The following SPAG17 variants were observed in gnomAD, a reference collection of about 807,000 sequenced individuals.
SPAG17 encodes the protein sperm-associated antigen 17.
SPAG17 carries 169 observed loss-of-function variants against 273.6 expected under a neutral mutation model. The observed-to-expected ratio is 0.62, with a 90% CI of 0.55 to 0.70. The LOEUF (loss-of-function observed/expected upper bound fraction) is 0.70, where lower values mean the gene tolerates loss of function less well. Among genes scored for constraint, SPAG17 ranks in the 30% least tolerant of loss-of-function variants. The pLI is 0.00. For synonymous variants in SPAG17, 825 were observed against 873.2 expected (o/e 0.94, Z 0.97); for missense variants, 2,557 against 2,627.8 (o/e 0.97, Z 0.59).
chr1:118,036,051 G>T (rs1429920988), intron 24 of SPAG17, among the ~76,000 whole-genome samples: 1 of 152,068 alleles, frequency 6.6e-6, no homozygotes. Context: ...AGCCAGGTGT[G>T]GTGGCATGCA....
At chr1:117,992,398 T>C (rs1194538739) in intron 36 of SPAG17, 68 bp downstream of exon 36, 2 of 1,452,052 alleles carry the variant, frequency 1.4e-6, no homozygotes, top group Non-Finnish European at 1.8e-6. Context: ...TCAGGTTTCT[T>C]AGGAAACCAA....
In SPAG17 at chr1:118,073,985, C is replaced by T. The variant is rs779962769; in HGVS notation, c.2272-18G>A. ...TTGGGTTTCTAAAATATCATAGGAA[C>T]ACAATTTCAGCTTTAATTTGTTTAA... On this transcript the variant is annotated intron_variant, in intron 16 of 48. Transcript: ENST00000336338. 3 of 1,516,548 alleles carry T rather than the reference C, an allele frequency of 2.0e-6. No homozygotes were observed. The highest frequency in any genetic ancestry group is 2.6e-6 in the Non-Finnish European group (3 of 1,134,568). 93.9% of individuals were successfully genotyped at this position (1,516,548 alleles called of 1,614,324 possible).
At chr1:117,955,452 T>C in intron 48 of SPAG17, 1 of 1,207,346 alleles carries the variant, frequency 8.3e-7, no homozygotes, top group Non-Finnish European at 1.2e-6. Context: ...TTATAATTGA[T>C]GGTTATCTTA....
chr1:118,067,674 G>A (rs1040622299), intron 17 of SPAG17, among the ~76,000 whole-genome samples: 8 of 152,132 alleles, frequency 5.3e-5, no homozygotes, highest in African/African-American at 1.9e-4. Flanking sequence ...TAAATCAGTA[G>A]GTATGATTAT....
intron 1 of SPAG17, among the ~76,000 whole-genome samples, chr1:118,158,643 G>A (rs1028882246): frequency 6.6e-6 from 1 of 152,096 alleles, no homozygotes; most frequent in Non-Finnish European, 1.5e-5. Context: ...CTGGCCTGCC[G>A]CTATATTCTG....
In SPAG17 at chr1:117,973,795, G is replaced by A. The variant is rs561702810; in HGVS notation, c.6005-234C>T. ...TGCCCAAATAGTGAACATAGTATGCGATAGGACATTTTTCAGCCTGCCTCC... is the reference window on the plus strand; with the variant it reads ...TGCCCAAATAGTGAACATAGTATGCAATAGGACATTTTTCAGCCTGCCTCC... On this transcript the variant is annotated intron_variant, in intron 43 of 48. Transcript: ENST00000336338. Among the ~76,000 whole-genome samples, 10 of 152,156 alleles carry A rather than the reference G, an allele frequency of 6.6e-5. No homozygotes were observed. The South Asian group carries it at 2.1e-3, about 32-fold the overall frequency.
chr1:118,019,009 G>A (rs1660239698), intron 28 of SPAG17, among the ~76,000 whole-genome samples: 1 of 146,502 alleles, frequency 6.8e-6, no homozygotes, highest in Non-Finnish European at 1.5e-5. Flanking sequence ...ACTCCAGCCT[G>A]GGTGACAGAG....
chr1:118,121,706 G>T (rs115695815), intron 3 of SPAG17, among the ~76,000 whole-genome samples: 1,691 of 152,288 alleles, frequency 0.011, 30 homozygotes, highest in African/African-American at 0.039. Context: ...AAAGGTTGGG[G>T]ATCACTGGTG....
At chr1:118,181,583 T>C (rs1660950967) in intron 1 of SPAG17, among the ~76,000 whole-genome samples, 1 of 152,138 alleles carries the variant, frequency 6.6e-6, no homozygotes, top group Non-Finnish European at 1.5e-5. Context: ...CAACATCACT[T>C]ATCATTAGAG....
intron 17 of SPAG17, 97 bp downstream of exon 17, chr1:118,073,757 G>T: frequency 1.3e-6 from 1 of 769,702 alleles, no homozygotes; most frequent in Non-Finnish European, 2.1e-6. Flanking sequence ...ATCTGAACTA[G>T]ATCTGAGAGA....
At chr1:117,966,426 A>T (rs570470151) in intron 47 of SPAG17, 183 bp downstream of exon 47, 2 of 508,290 alleles carry the variant, frequency 3.9e-6, no homozygotes, top group South Asian at 9.3e-5. Flanking sequence ...TGTGTCAGGT[A>T]TTTTTTTAGA....
chr1:118,145,782 T>TACAA (rs1658951396), intron 3 of SPAG17, among the ~76,000 whole-genome samples: 38 of 152,164 alleles, frequency 2.5e-4, no homozygotes, highest in Admixed American at 2.5e-3. Flanking sequence ...TTTAGGATAG[T>TACAA]TCAAGTTCTT....
intron 27 of SPAG17, 54 bp from the exon 28 acceptor site, chr1:118,023,517 T>C (rs1432310393): frequency 3.2e-6 from 5 of 1,557,998 alleles, no homozygotes; most frequent in East Asian, 4.5e-5. Context: ...AGAGGTTGTT[T>C]AACAATAAAC....
chr1:118,142,374 G>C (rs1469465839), intron 3 of SPAG17, among the ~76,000 whole-genome samples: 4 of 152,164 alleles, frequency 2.6e-5, no homozygotes, highest in Non-Finnish European at 5.9e-5. Context: ...AGTTTTGCAA[G>C]ATGAAAAAGT....
rs892979369 is a variant in SPAG17 at position 118,134,255 on chromosome 1, C to G, written c.315+16288G>C. Reference sequence around the variant, plus strand: ...ATAAATTAGTGAATAGAAAAACATGCTTTTTATTATATATACACTGAATAA... The same window carrying G: ...ATAAATTAGTGAATAGAAAAACATGGTTTTTATTATATATACACTGAATAA... On this transcript the variant is annotated intron_variant, in intron 3 of 48. Transcript: ENST00000336338. Among the ~76,000 whole-genome samples, 5 of 152,116 alleles carry G rather than the reference C, an allele frequency of 3.3e-5. No individual in the cohort carries two copies. The East Asian group carries it at 9.6e-4, about 29-fold the overall frequency.
At chr1:118,000,023 G>A (rs1036272879) in intron 32 of SPAG17, among the ~76,000 whole-genome samples, 4 of 152,148 alleles carry the variant, frequency 2.6e-5, no homozygotes, top group Non-Finnish European at 5.9e-5. Flanking sequence ...AAGGGATCCA[G>A]TTTCAGCTTT....
At chr1:117,956,972 T>C in intron 48 of SPAG17, 1 of 1,101,390 alleles carries the variant, frequency 9.1e-7, no homozygotes, top group African/African-American at 1.6e-5. Context: ...AAGTATAAAA[T>C]CAGTAGAAAA....
In SPAG17 at chr1:117,963,863, C is replaced by T; in HGVS notation, c.6608G>A (p.Arg2203Lys). The T allele has an allele frequency of 6.2e-7, 1 of 1,613,922 alleles. No individual in the cohort carries two copies. The highest frequency in any genetic ancestry group is 1.1e-5 in the South Asian group (1 of 91,068). ...PQGKENPMVQ[R>K]TSTIYSSTLG... The stretch of plus-strand genomic sequence containing the variant: ...TGTGGAGGAATAAATTGTAGAAGTT[C>T]TCTGGACCATTGGATTTTCTTTTCC... The change falls in exon 48 of 49, where the codon AGA (arginine) becomes AAA (lysine). Residue 2203 changes from arginine (R) to lysine (K), a missense_variant. Transcript: ENST00000336338.
Position 118,099,739 on chromosome 1 carries a change from C to G in SPAG17, c.696G>C (p.Gln232His). The stretch of plus-strand genomic sequence containing the variant: ...CAAGCTCAGCCATAATTGCTAATAG[C>G]TGAGGATTGTTAAAGCCCACAACTA... ...YIIVVGFNNP[Q>H]LLAIMAELGI... is the part of the protein sequence containing the mutation. The change falls in exon 6 of 49, where the codon CAG becomes CAC. Residue 232 changes from glutamine to histidine, a missense_variant. Transcript: ENST00000336338. 1 of 1,613,638 alleles carries G rather than the reference C, an allele frequency of 6.2e-7. No homozygotes were observed. The highest frequency in any genetic ancestry group is 8.5e-7 in the Non-Finnish European group (1 of 1,179,942).
Sources: gnomAD v4.1 joint callset for allele counts (sites outside exome capture counted in the v4.1 genomes callset) on GRCh38, gnomAD v4.1.1 for gene constraint, MANE v1.5 for transcripts, NCBI Gene and HGNC (gene_info 2026-07-23, HGNC 2026-07-21) for gene names.